Variants in KAT6A observed in about 807,000 individuals in gnomAD.
KAT6A encodes lysine acetyltransferase 6A.
Under a neutral mutation model 198.4 loss-of-function variants are expected in KAT6A, and 9 were observed. That is an observed-to-expected ratio of 0.05 (90% CI 0.03 to 0.08). The LOEUF (loss-of-function observed/expected upper bound fraction) is 0.08, where lower values mean the gene tolerates loss of function less well. Ranked by LOEUF, KAT6A falls within the 10% of genes least tolerant of loss-of-function variation. KAT6A has a pLI of 1.00. For synonymous variants in KAT6A, 890 were observed against 883.0 expected (o/e 1.01, Z -0.14); for missense variants, 2,077 against 2,509.9 (o/e 0.83, Z 3.69).
intron 13 of KAT6A, 137 bp downstream of exon 13, chr8:41,943,611 A>G (rs1262731330): frequency 6.3e-6 from 4 of 631,290 alleles, no homozygotes; most frequent in Middle Eastern, 3.4e-4. Context: ...TATCCTAGAA[A>G]GGAAAATGAT....
chr8:41,988,025 A>G (rs1416377328), intron 2 of KAT6A, among the ~76,000 whole-genome samples: 1 of 152,246 alleles, frequency 6.6e-6, no homozygotes, highest in Non-Finnish European at 1.5e-5. Flanking sequence ...GCAGTACGAA[A>G]AAGAAATTCC....
At chr8:41,964,044 A>G (rs1823338148) in intron 8 of KAT6A, among the ~76,000 whole-genome samples, 1 of 152,192 alleles carries the variant, frequency 6.6e-6, no homozygotes, top group Admixed American at 6.5e-5. Context: ...CTAAAAATAG[A>G]ACAATAACAT....
At chr8:41,974,149 G>A (rs1189496937) in intron 8 of KAT6A, among the ~76,000 whole-genome samples, 1 of 151,672 alleles carries the variant, frequency 6.6e-6, no homozygotes, top group East Asian at 1.9e-4. Context: ...ATGATCTCAG[G>A]TCACTGCAAC....
chr8:41,948,952 T>C (rs1456123354), intron 10 of KAT6A, among the ~76,000 whole-genome samples: 3 of 152,174 alleles, frequency 2.0e-5, no homozygotes, highest in Non-Finnish European at 2.9e-5. Context: ...TAAACAGATC[T>C]CTGTGAGATA....
At chr8:41,938,119 C>G (rs777183406) in intron 15 of KAT6A, among the ~76,000 whole-genome samples, 5 of 152,214 alleles carry the variant, frequency 3.3e-5, no homozygotes, top group Non-Finnish European at 7.3e-5. Context: ...TTTGGGCACA[C>G]TGAGCACAAC....
chr8:41,972,298 A>T (rs752457298), intron 8 of KAT6A, among the ~76,000 whole-genome samples: 35 of 152,362 alleles, frequency 2.3e-4, no homozygotes, highest in Non-Finnish European at 5.0e-4. Context: ...AACAAAGTAA[A>T]TGATTCAGGC....
chr8:42,018,325 C>A (rs781304950), intron 2 of KAT6A, among the ~76,000 whole-genome samples: 14 of 152,008 alleles, frequency 9.2e-5, no homozygotes, highest in Admixed American at 5.2e-4. Context: ...CACCTGTGGT[C>A]AGGAGTTCAA....
At chr8:42,003,570 T>C (rs1825601531) in intron 2 of KAT6A, among the ~76,000 whole-genome samples, 1 of 152,122 alleles carries the variant, frequency 6.6e-6, no homozygotes, top group African/African-American at 2.4e-5. Context: ...ATCAATTCCC[T>C]ATACATCATT....
Position 41,980,883 on chromosome 8 carries a change from C to T in KAT6A, c.870G>A (p.Met290Ile), listed in dbSNP as rs1236850557. The T allele has an allele frequency of 6.2e-7, 1 of 1,613,624 alleles. No individual in the cohort carries two copies. The change falls in exon 5 of 17, where the codon ATG becomes ATA. Residue 290 changes from methionine (M) to isoleucine (I), a missense_variant. Transcript: ENST00000265713. ...GGGTGAGTGGCGGATCACAACACTC[C>T]ATGTGAAAACCTCGGTCACATGAAT... The part of the protein sequence containing the change: ...FCDSCDRGFH[M>I]ECCDPPLTRM...
intron 2 of KAT6A, among the ~76,000 whole-genome samples, chr8:42,031,126 CT>C: frequency 6.6e-6 from 1 of 151,480 alleles, no homozygotes; most frequent in Non-Finnish European, 1.5e-5. Flanking sequence ...AAACATACAG[CT>C]CACCGGCTGC....
chr8:41,972,738 A>T (rs1344895137), intron 8 of KAT6A, among the ~76,000 whole-genome samples: 5 of 152,232 alleles, frequency 3.3e-5, no homozygotes, highest in Non-Finnish European at 7.3e-5. Context: ...TCCTGATTTG[A>T]TGATTGGACC....
At chr8:41,994,446 G>A (rs961111773) in intron 2 of KAT6A, among the ~76,000 whole-genome samples, 3 of 151,996 alleles carry the variant, frequency 2.0e-5, no homozygotes, top group African/African-American at 7.3e-5. Flanking sequence ...AGGTTTTCAA[G>A]GCAGTGGTTA....
At chr8:42,015,981 G>T (rs1826253864) in intron 2 of KAT6A, among the ~76,000 whole-genome samples, 1 of 152,198 alleles carries the variant, frequency 6.6e-6, no homozygotes, top group African/African-American at 2.4e-5. Flanking sequence ...AAATGCAGAT[G>T]AGGCAAAGAC....
intron 4 of KAT6A, among the ~76,000 whole-genome samples, chr8:41,981,362 A>C (rs909567199): frequency 2.6e-5 from 4 of 152,178 alleles, no homozygotes; most frequent in African/African-American, 9.7e-5. Context: ...ATAATATTAA[A>C]AGTTTCCTTA....
chr8:41,978,579 A>G, intron 6 of KAT6A, 63 bp downstream of exon 6: 1 of 1,529,124 alleles, frequency 6.5e-7, no homozygotes, highest in Non-Finnish European at 8.9e-7. Context: ...AAACAAGTGA[A>G]TCCTACACTA....
intron 2 of KAT6A, among the ~76,000 whole-genome samples, chr8:42,047,812 A>G (rs1339232372): frequency 1.3e-5 from 2 of 152,224 alleles, no homozygotes; most frequent in African/African-American, 4.8e-5. Flanking sequence ...GCCATAATAC[A>G]TGACAGAAAG....
intron 5 of KAT6A, among the ~76,000 whole-genome samples, chr8:41,979,135 G>A (rs1027838855): frequency 1.3e-5 from 2 of 151,854 alleles, no homozygotes; most frequent in Non-Finnish European, 1.5e-5. Context: ...GGGCATGGTG[G>A]TACGTGCCTG....
At position 42,048,713 on chromosome 8, in the gene KAT6A, C is replaced by T. The variant is rs754795787; in HGVS notation, c.265G>A (p.Gly89Arg). 6 of 1,614,186 alleles carry T rather than the reference C, an allele frequency of 3.7e-6. No individual in the cohort carries two copies. Among genetic ancestry groups the T allele is most frequent in the Non-Finnish European group, 5.1e-6 (6 of 1,180,036 alleles). ...RIALPKPRNHGKLDNKQNVDW... is the reference protein window; with the variant it reads ...RIALPKPRNHRKLDNKQNVDW... ...ACATTTTGTTTATTATCCAATTTTC[C>T]ATGGTTCCGAGGCTTAGGAAGTGCT... The change falls in exon 2 of 17, where the codon GGA becomes AGA. Residue 89 changes from glycine to arginine, a missense_variant. Gly to Arg is a moderately radical substitution (Grantham distance 125). Transcript: ENST00000265713.
At chr8:41,957,343 T>G (rs899405712) in intron 8 of KAT6A, 27 of 542,300 alleles carry the variant, frequency 5.0e-5, no homozygotes, top group Middle Eastern at 4.6e-4. Flanking sequence ...TTACGAAGAT[T>G]TAGAAATCAG....
Sources: allele counts gnomAD v4.1 joint callset (sites outside exome capture counted in the v4.1 genomes callset), GRCh38; gene constraint gnomAD v4.1.1; transcripts MANE v1.5; gene names NCBI Gene and HGNC (gene_info 2026-07-23, HGNC 2026-07-21).